Variants in PCSK5 observed in about 807,000 individuals in gnomAD.
PCSK5 encodes the protein prohormone convertase 5.
A neutral mutation model predicts 233.2 loss-of-function variants in PCSK5; 129 were observed. The ratio of observed to expected loss-of-function variants is 0.55; its 90% CI spans 0.48 to 0.64. The LOEUF (loss-of-function observed/expected upper bound fraction) is 0.64. Among genes scored for constraint, PCSK5 ranks in the 30% least tolerant of loss-of-function variants. The pLI, the probability that PCSK5 is intolerant of heterozygous loss-of-function variation, is 0.00. For synonymous variants in PCSK5, 825 were observed against 879.2 expected (o/e 0.94, Z 1.09); for missense variants, 2,076 against 2,430.1 (o/e 0.85, Z 3.06).
intron 17 of PCSK5, among the ~76,000 whole-genome samples, chr9:76,188,265 T>G (rs1330960478): frequency 6.6e-6 from 1 of 152,086 alleles, no homozygotes; most frequent in African/African-American, 2.4e-5. Context: ...TCAAATACTT[T>G]TTAAAACCTC....
chr9:76,316,255 C>T (rs1829028428), intron 30 of PCSK5, among the ~76,000 whole-genome samples: 1 of 151,974 alleles, frequency 6.6e-6, no homozygotes, highest in African/African-American at 2.4e-5. Context: ...CTGAGTCATC[C>T]CAGTACCAAC....
intron 12 of PCSK5, among the ~76,000 whole-genome samples, chr9:76,165,389 T>C (rs554350335): frequency 1.3e-5 from 2 of 152,232 alleles, no homozygotes; most frequent in Admixed American, 6.5e-5. Context: ...TGTTATTTAG[T>C]TGCCATAACA....
rs12349717 is a variant in PCSK5, at chr9:76,313,222, A to G, written c.3884+2371A>G. On this transcript the variant is annotated intron_variant, in intron 30 of 37. Transcript: ENST00000674117. ...GGCATTGAAGTCCATGTGCTTAACT[A>G]TCACTCAGTGCTGCCTTCTTGTACA... is the stretch of plus-strand genomic sequence containing the variant. Among the ~76,000 whole-genome samples the G allele has an allele frequency of 4.3e-3, 660 of 152,332 alleles. 8 individuals are homozygous for G. The highest frequency in any genetic ancestry group is 0.015 in the African/African-American group (622 of 41,570).
At chr9:76,116,849 C>T (rs1025448355) in intron 9 of PCSK5, among the ~76,000 whole-genome samples, 24 of 152,000 alleles carry the variant, frequency 1.6e-4, no homozygotes, top group Non-Finnish European at 2.4e-4. Context: ...AGTACTGTAA[C>T]GGGACATGGT....
intron 12 of PCSK5, among the ~76,000 whole-genome samples, chr9:76,168,147 A>C (rs918592291): frequency 1.3e-5 from 2 of 152,148 alleles, no homozygotes; most frequent in African/African-American, 4.8e-5. Context: ...ATATACCTGC[A>C]TAAGTGATGT....
chr9:75,905,776 T>A (rs1408010667), intron 1 of PCSK5, among the ~76,000 whole-genome samples: 1 of 152,096 alleles, frequency 6.6e-6, no homozygotes, highest in African/African-American at 2.4e-5. Context: ...GGATCTAGGT[T>A]GCGTGCTCCT....
intron 24 of PCSK5, among the ~76,000 whole-genome samples, chr9:76,265,732 C>A (rs898081298): frequency 2.0e-5 from 3 of 152,036 alleles, no homozygotes; most frequent in African/African-American, 7.2e-5. Context: ...CCACAAGTAT[C>A]CATCTTAATT....
At chr9:76,315,986 A>G (rs1039544905) in intron 30 of PCSK5, among the ~76,000 whole-genome samples, 3 of 134,346 alleles carry the variant, frequency 2.2e-5, no homozygotes, top group Non-Finnish European at 4.6e-5. Flanking sequence ...TCATTTCAGC[A>G]TCTCATCCAA....
chr9:76,058,268 A>G (rs545534162), intron 5 of PCSK5, among the ~76,000 whole-genome samples: 1 of 152,142 alleles, frequency 6.6e-6, no homozygotes, highest in Non-Finnish European at 1.5e-5. Context: ...AACCAACCTC[A>G]TCCAGCCTGG....
chr9:76,021,138 TATGCCCCC>T (rs1395131253), intron 3 of PCSK5, among the ~76,000 whole-genome samples: 3 of 152,304 alleles, frequency 2.0e-5, no homozygotes, highest in Admixed American at 6.5e-5. Context: ...AAGTTGAGAA[TATGCCCCC>T]ATTTTTGGGA....
intron 10 of PCSK5, among the ~76,000 whole-genome samples, chr9:76,147,853 C>T (rs534278577): frequency 6.6e-6 from 1 of 152,272 alleles, no homozygotes; most frequent in South Asian, 2.1e-4. Flanking sequence ...CATTTGCTCC[C>T]AGCCACATCT....
chr9:76,292,372 C>A, intron 25 of PCSK5, 97 bp downstream of exon 25: 1 of 783,146 alleles, frequency 1.3e-6, no homozygotes, highest in Non-Finnish European at 2.3e-6. Context: ...AGTGGCCCTG[C>A]AGCCCGAAGC....
At chr9:76,084,869 TAGC>T (rs1830998986) in intron 7 of PCSK5, among the ~76,000 whole-genome samples, 1 of 152,192 alleles carries the variant, frequency 6.6e-6, no homozygotes, top group African/African-American at 2.4e-5. Context: ...ATGGCTTAGA[TAGC>T]AGGTTTGTTT....
intron 20 of PCSK5, among the ~76,000 whole-genome samples, chr9:76,200,888 C>A (rs1030320683): frequency 6.6e-6 from 1 of 152,210 alleles, no homozygotes; most frequent in Non-Finnish European, 1.5e-5. Flanking sequence ...CATCAACCCT[C>A]TTTTCAGAGA....
chr9:76,165,632 A>G (rs1054717161), intron 12 of PCSK5, among the ~76,000 whole-genome samples: 1 of 152,216 alleles, frequency 6.6e-6, no homozygotes, highest in Non-Finnish European at 1.5e-5. Context: ...AATTTGTGCC[A>G]TCGCATGCAT....
At chr9:76,193,268 C>CTGTATGCTTGTGAAAAAGAACAATCTGTG in intron 20 of PCSK5, 1 of 1,613,600 alleles carries the variant, frequency 6.2e-7, no homozygotes. Context: ...AAGGAGGCTT[C>CTGTATGCTTGTGAAAAAGAACAATCTGTG]TGTATGCTTG....
At chr9:75,972,810 C>T (rs1825863114) in intron 2 of PCSK5, among the ~76,000 whole-genome samples, 1 of 152,158 alleles carries the variant, frequency 6.6e-6, no homozygotes, top group African/African-American at 2.4e-5. Flanking sequence ...CTCCTTCCCC[C>T]ACCTTTCAAC....
At chr9:76,311,248 T>C (rs1041434360) in intron 30 of PCSK5, among the ~76,000 whole-genome samples, 5 of 151,924 alleles carry the variant, frequency 3.3e-5, no homozygotes, top group Non-Finnish European at 7.4e-5. Context: ...TCCCAGCTAC[T>C]TGGGAGGCTA....
At position 76,319,361 on chromosome 9, in the gene PCSK5, C is replaced by T. The variant is rs531692404; in HGVS notation, c.3885-2061C>T. On this transcript the variant is annotated intron_variant, in intron 30 of 37. Coordinates refer to ENST00000674117, the MANE Select transcript of PCSK5 (RefSeq NM_001372043.1). ...AGAAAATAGTTAGAATAAGAATAGT[C>T]ATAATACAAATTAGATATAGAGATG... 1.4e-4 allele frequency among the ~76,000 whole-genome samples: 21 copies of T among 149,426 alleles called. No individual in the cohort carries two copies. The South Asian group carries it at 3.7e-3, about 26-fold the overall frequency.
Sources: gnomAD v4.1 joint callset for allele counts (sites outside exome capture counted in the v4.1 genomes callset) on GRCh38, gnomAD v4.1.1 for gene constraint, MANE v1.5 for transcripts, NCBI Gene and HGNC (gene_info 2026-07-23, HGNC 2026-07-21) for gene names.